HSF2BP: variants seen among roughly 807,000 people sequenced by gnomAD.
HSF2BP encodes the protein heat shock transcription factor 2 binding protein.
In HSF2BP, 35 loss-of-function variants were observed where a neutral mutation model predicts 35.0. The ratio of observed to expected loss-of-function variants is 1.00; its 90% CI spans 0.76 to 1.32. The LOEUF (loss-of-function observed/expected upper bound fraction) is 1.32, where lower values mean the gene tolerates loss of function less well. Among genes scored for constraint, HSF2BP ranks in the 40% most tolerant of loss-of-function variants. HSF2BP has a pLI of 0.00. For synonymous variants in HSF2BP, 114 were observed against 117.4 expected (o/e 0.97, Z 0.18); for missense variants, 326 against 321.7 (o/e 1.01, Z -0.10).
rs1307277927 is a variant in HSF2BP, at chr21:43,659,084, G to T, written c.-225+302C>A. On this transcript the variant is annotated intron_variant, in intron 1 of 8. Coordinates refer to ENST00000291560, the MANE Select transcript of HSF2BP (RefSeq NM_007031.2). The surrounding 1 kb of genome is among the most constrained non-coding windows in gnomAD (Gnocchi z 4.2). ...AGGCCGCCGCGGGAGGATTGCTTGA[G>T]CCCAGGAGTTTGAGACCAGCTTGGG... Among the ~76,000 whole-genome samples, 1 of 152,180 alleles carries T rather than the reference G, an allele frequency of 6.6e-6. No homozygotes were observed. Among genetic ancestry groups the T allele is most frequent in the African/African-American group, 2.4e-5 (1 of 41,462 alleles).
the HSF2BP span, among the ~76,000 whole-genome samples, chr21:43,501,397 CTTT>C: frequency 6.1e-5 from 4 of 65,228 alleles, no homozygotes; most frequent in East Asian, 1.4e-3. Flanking sequence ...CTGTAGCTGT[CTTT>C]TTTTTTTTTT....
chr21:43,641,965 T>C (rs2082642580), intron 4 of HSF2BP, among the ~76,000 whole-genome samples: 1 of 150,398 alleles, frequency 6.6e-6, no homozygotes. Context: ...ATTGAGGATC[T>C]AGTCTCTGGA....
rs560155408 is a variant in HSF2BP, at chr21:43,605,439, ACACACACCCCCACATATGCAGCC to A, written c.692+8368_692+8390del. Reference sequence around the variant, plus strand: ...CACACACACTCCAACACACACACATACACACACCCCCACATATGCAGCCCACACACCCCCACACGCCACACCCA... The same window carrying A: ...CACACACACTCCAACACACACACATACACACACCCCCACACGCCACACCCA... On this transcript the variant is annotated intron_variant, in intron 7 of 8. Transcript: ENST00000291560. Among the ~76,000 whole-genome samples, 443 of 136,192 alleles carry A rather than the reference ACACACACCCCCACATATGCAGCC, an allele frequency of 3.3e-3. 24 individuals are homozygous for A. In the East Asian group the frequency reaches 0.097, roughly 30 times the overall value. 89.3% of individuals were successfully genotyped at this position (136,192 alleles called of 152,430 possible).
intron 3 of HSF2BP, among the ~76,000 whole-genome samples, chr21:43,647,801 C>T (rs539235570): frequency 6.6e-6 from 1 of 151,970 alleles, no homozygotes; most frequent in African/African-American, 2.4e-5. Context: ...TGGTGGTACA[C>T]GCCCATAGTC....
In HSF2BP at chr21:43,613,945, C is replaced by T. The variant is rs776536418; in HGVS notation, c.577G>A (p.Val193Ile). 1 of 1,603,162 alleles carries T rather than the reference C, an allele frequency of 6.2e-7. No individual in the cohort carries two copies. The highest frequency in any genetic ancestry group is 1.1e-5 in the South Asian group (1 of 89,680). The change falls in exon 7 of 9, where the codon GTT becomes ATT. Residue 193 changes from valine to isoleucine, a missense_variant and splice_region_variant. By Grantham distance (29) the Val-to-Ile change is conservative (BLOSUM62 3). Transcript: ENST00000291560. ...TCACGACCACATGCTATAGCAGCAA[C>T]ATCTGCAACAGAAAATGAAACAAAA... ...VFALAGIVTN[V>I]AAIACGREFL...
At chr21:43,643,918 G>A (rs2147080286) in intron 4 of HSF2BP, among the ~76,000 whole-genome samples, 1 of 150,282 alleles carries the variant, frequency 6.7e-6, no homozygotes, top group South Asian at 2.1e-4. Context: ...TTGCACCACT[G>A]CACTCCAGCC....
intron 6 of HSF2BP, among the ~76,000 whole-genome samples, chr21:43,625,790 C>T (rs143177744): frequency 8.1e-4 from 124 of 152,278 alleles, no homozygotes; most frequent in African/African-American, 2.9e-3. Flanking sequence ...CACTATCCAA[C>T]TCTTCATAAG....
chr21:43,657,958 C>T, intron 2 of HSF2BP, 103 bp downstream of exon 2: 1 of 1,519,766 alleles, frequency 6.6e-7, no homozygotes, highest in South Asian at 1.2e-5. Context: ...TTCCCCCAAG[C>T]ACGCGACAGC....
intron 4 of HSF2BP, among the ~76,000 whole-genome samples, chr21:43,642,421 C>A (rs2082648985): frequency 6.6e-6 from 1 of 152,146 alleles, no homozygotes; most frequent in Non-Finnish European, 1.5e-5. Flanking sequence ...CCGTACAGGC[C>A]TCAACAGAGA....
intron 7 of HSF2BP, among the ~76,000 whole-genome samples, chr21:43,604,207 C>T (rs977208328): frequency 6.6e-6 from 1 of 151,496 alleles, no homozygotes; most frequent in Non-Finnish European, 1.5e-5. Flanking sequence ...TACACACACA[C>T]ACCACAGCAC....
intron 4 of HSF2BP, among the ~76,000 whole-genome samples, chr21:43,637,712 A>G (rs1427636756): frequency 1.3e-5 from 2 of 151,694 alleles, no homozygotes; most frequent in East Asian, 1.9e-4. Context: ...GGTTCAGGCA[A>G]TTGGATCCTT....
chr21:43,590,230 G>A (rs2081909227), intron 8 of HSF2BP, among the ~76,000 whole-genome samples: 1 of 152,066 alleles, frequency 6.6e-6, no homozygotes, highest in African/African-American at 2.4e-5. Flanking sequence ...TATCATCAAA[G>A]AAGTTACGTG....
At chr21:43,600,650 A>G (rs550726046) in intron 7 of HSF2BP, among the ~76,000 whole-genome samples, 20 of 152,210 alleles carry the variant, frequency 1.3e-4, no homozygotes, top group Non-Finnish European at 2.6e-4. Flanking sequence ...CCTGTGGTCT[A>G]TATCATGTCA....
chr21:43,626,366 T>TA (rs919618673), intron 6 of HSF2BP, among the ~76,000 whole-genome samples: 81 of 148,478 alleles, frequency 5.5e-4, no homozygotes, highest in East Asian at 3.9e-3. Context: ...AAGATCAATG[T>TA]AAAAAAAAAA....
chr21:43,635,112 T>C (rs1047814210), intron 4 of HSF2BP, among the ~76,000 whole-genome samples: 1 of 151,560 alleles, frequency 6.6e-6, no homozygotes, highest in Non-Finnish European at 1.5e-5. Flanking sequence ...AAGAAAATCA[T>C]AGCATTCCCA....
At chr21:43,626,418 T>C (rs1174426643) in intron 6 of HSF2BP, among the ~76,000 whole-genome samples, 1 of 152,248 alleles carries the variant, frequency 6.6e-6, no homozygotes, top group Non-Finnish European at 1.5e-5. Flanking sequence ...GTTGGGACTT[T>C]AAATTATCCC....
chr21:43,614,941 T>A (rs1298866096), intron 6 of HSF2BP, among the ~76,000 whole-genome samples: 1 of 152,226 alleles, frequency 6.6e-6, no homozygotes, highest in Non-Finnish European at 1.5e-5. Flanking sequence ...CAATTTTATG[T>A]CCCATTGTGG....
chr21:43,580,222 A>AT (rs111285978), intron 8 of HSF2BP, among the ~76,000 whole-genome samples: 3,781 of 152,078 alleles, frequency 0.025, 51 homozygotes, highest in Middle Eastern at 0.065. Flanking sequence ...TTCCATTTGG[A>AT]TTTTTTTTAC....
chr21:43,575,332 A>G (rs1256187565), intron 8 of HSF2BP, among the ~76,000 whole-genome samples: 1 of 152,202 alleles, frequency 6.6e-6, no homozygotes, highest in Non-Finnish European at 1.5e-5. Context: ...AAGCCTGCAC[A>G]TCTCCGTGGA....
Sources: gnomAD v4.1 joint callset for allele counts (sites outside exome capture counted in the v4.1 genomes callset) on GRCh38, gnomAD v4.1.1 for gene constraint, Gnocchi (gnomAD v3.1) non-coding constraint, MANE v1.5 for transcripts, NCBI Gene and HGNC (gene_info 2026-07-23, HGNC 2026-07-21) for gene names.